OVOL2: variants seen among roughly 807,000 people sequenced by gnomAD.
OVOL2 encodes the protein transcription factor Ovo-like 2.
OVOL2 carries 13 observed loss-of-function variants against 18.1 expected under a neutral mutation model. The ratio of observed to expected loss-of-function variants is 0.72; its 90% CI spans 0.47 to 1.14. The LOEUF (loss-of-function observed/expected upper bound fraction) is 1.14, where lower values mean the gene tolerates loss of function less well. Among genes scored for constraint, OVOL2 ranks in the 50% most tolerant of loss-of-function variants. The probability of loss-of-function intolerance (pLI) is 0.00; values close to 1 mark genes in which losing one functional copy is unlikely to be tolerated. For missense variants in OVOL2, 335 were observed against 383.0 expected, an observed-to-expected ratio of 0.87 and a Z score of 1.05; for synonymous variants, 166 against 162.7, an observed-to-expected ratio of 1.02 and a Z score of -0.16.
chr20:18,043,740 T>C (rs980716780), intron 2 of OVOL2, among the ~76,000 whole-genome samples: 1 of 152,206 alleles, frequency 6.6e-6, no homozygotes, highest in Non-Finnish European at 1.5e-5. Context: ...GGGTCTGGAC[T>C]CCCTGCCCAG....
intron 3 of OVOL2, among the ~76,000 whole-genome samples, chr20:18,032,499 TTTATTA>T (rs111565839): frequency 2.0e-5 from 3 of 150,996 alleles, no homozygotes; most frequent in Non-Finnish European, 4.4e-5. Flanking sequence ...CATGATTTCT[TTTATTA>T]TTATTATTAT....
Position 18,057,509 on chromosome 20 carries a change from C to T in OVOL2, c.100+26G>A. The T allele has an allele frequency of 6.4e-7, 1 of 1,552,726 alleles. No individual in the cohort carries two copies. On this transcript the variant is annotated intron_variant, in intron 1 of 3. Transcript: ENST00000278780. The surrounding 1 kb of genome is among the most constrained non-coding windows in gnomAD (Gnocchi z 6.3). ...TCCCCCACCCCGGGAGCCCAGCGCC[C>T]AGGCCCGGCCCCCGCGCGCGCTCAC...
intron 3 of OVOL2, among the ~76,000 whole-genome samples, chr20:18,026,023 A>G (rs1200390998): frequency 6.6e-6 from 1 of 152,254 alleles, no homozygotes; most frequent in Non-Finnish European, 1.5e-5. Flanking sequence ...CATTTGTGGC[A>G]GTTATGAAAA....
intron 3 of OVOL2, among the ~76,000 whole-genome samples, chr20:18,034,877 CG>C (rs977997206): frequency 3.3e-5 from 5 of 151,980 alleles, no homozygotes; most frequent in African/African-American, 1.2e-4. Context: ...ATGGGGGAGT[CG>C]GGGGTGGTGC....
At chr20:18,041,825 G>T in intron 2 of OVOL2, 102 bp from the exon 3 acceptor site, 1 of 1,067,440 alleles carries the variant, frequency 9.4e-7, no homozygotes, top group Non-Finnish European at 1.3e-6. Context: ...TGCCCTGTCT[G>T]CGGCTTCTGC....
intron 2 of OVOL2, among the ~76,000 whole-genome samples, chr20:18,050,169 G>A (rs2036760050): frequency 6.6e-6 from 1 of 152,162 alleles, no homozygotes; most frequent in Non-Finnish European, 1.5e-5. Flanking sequence ...CTGCACCGCC[G>A]AAGCTAGAGA....
At chr20:18,044,544 G>T (rs1180221121) in intron 2 of OVOL2, among the ~76,000 whole-genome samples, 1 of 152,120 alleles carries the variant, frequency 6.6e-6, no homozygotes, top group Non-Finnish European at 1.5e-5. Context: ...CCTTTGCTTG[G>T]AGCTTAATTT....
intron 3 of OVOL2, among the ~76,000 whole-genome samples, chr20:18,034,316 C>T (rs982817686): frequency 6.6e-6 from 1 of 152,142 alleles, no homozygotes; most frequent in African/African-American, 2.4e-5. Flanking sequence ...AAGTCCCTGC[C>T]CCCACCTTGC....
chr20:18,036,787 T>G (rs1482746415), intron 3 of OVOL2, among the ~76,000 whole-genome samples: 1 of 152,086 alleles, frequency 6.6e-6, no homozygotes, highest in Non-Finnish European at 1.5e-5. Context: ...TTTGTGCTAC[T>G]AATAGGTCTG....
chr20:18,043,471 A>G (rs2036694515), intron 2 of OVOL2, among the ~76,000 whole-genome samples: 1 of 152,170 alleles, frequency 6.6e-6, no homozygotes, highest in South Asian at 2.1e-4. Context: ...AGCCATGTGG[A>G]CAGCCAAAGG....
intron 3 of OVOL2, among the ~76,000 whole-genome samples, chr20:18,038,630 T>C (rs4814685): frequency 0.28 from 42,020 of 152,040 alleles, 7,057 homozygotes; most frequent in African/African-American, 0.46. Flanking sequence ...TACCAACAGC[T>C]AGCCATGCTT....
At chr20:18,031,017 C>T (rs936565455) in intron 3 of OVOL2, among the ~76,000 whole-genome samples, 1 of 152,184 alleles carries the variant, frequency 6.6e-6, no homozygotes, top group South Asian at 2.1e-4. Context: ...GATGCCAAGG[C>T]CCCTCCCACC....
chr20:18,028,700 C>T (rs73266192), intron 3 of OVOL2, among the ~76,000 whole-genome samples: 9,510 of 151,866 alleles, frequency 0.063, 968 homozygotes, highest in African/African-American at 0.22. Flanking sequence ...GAATGAGGCA[C>T]GAAAATTGCT....
chr20:18,056,787 TC>T lies in OVOL2; in HGVS notation c.190del (p.Glu64SerfsTer71), dbSNP rs1334919329. ...CGAGCTGCTCTCTGCTCCTCCAGGCTCCCCCGCGCTGCTGCTGCCGCTGCCG... is the reference window on the plus strand; with the variant it reads ...CGAGCTGCTCTCTGCTCCTCCAGGCTCCCCGCGCTGCTGCTGCCGCTGCCG... ...SSGSGSSSAG[E>X]PGGAESSSSP... is the part of the protein sequence containing the mutation. On this transcript the variant is annotated frameshift_variant, in exon 2 of 4. Transcript: ENST00000278780. LOFTEE classifies it high-confidence loss of function. This position sits in a 1 kb window ranked among gnomAD's most constrained non-coding sequence, Gnocchi z 4.2. The T allele has an allele frequency of 1.3e-6, 2 of 1,499,356 alleles. No individual in the cohort carries two copies. Among genetic ancestry groups the T allele is most frequent in the Admixed American group, 2.2e-5 (1 of 46,000 alleles). 92.9% of individuals were successfully genotyped at this position (1,499,356 alleles called of 1,614,324 possible).
intron 3 of OVOL2, among the ~76,000 whole-genome samples, chr20:18,025,929 C>A (rs1218073851): frequency 6.6e-6 from 1 of 152,264 alleles, no homozygotes; most frequent in Non-Finnish European, 1.5e-5. Context: ...ACCCCTCAGG[C>A]AGAGGTGCAG....
At chr20:18,038,108 C>A (rs997553143) in intron 3 of OVOL2, among the ~76,000 whole-genome samples, 1 of 152,200 alleles carries the variant, frequency 6.6e-6, no homozygotes, top group African/African-American at 2.4e-5. Flanking sequence ...GCATGTGCCA[C>A]TTTTTCTTCT....
intron 2 of OVOL2, among the ~76,000 whole-genome samples, chr20:18,053,965 C>A (rs1393155664): frequency 6.6e-6 from 1 of 152,168 alleles, no homozygotes; most frequent in Non-Finnish European, 1.5e-5. Context: ...CAGGCCCACC[C>A]GCCTCCCTTC....
intron 2 of OVOL2, among the ~76,000 whole-genome samples, chr20:18,045,225 C>T (rs2082411363): frequency 6.6e-6 from 1 of 152,186 alleles, no homozygotes; most frequent in Non-Finnish European, 1.5e-5. Context: ...TAAATATGCT[C>T]CACTAAGTAC....
rs1478895647 is a variant in OVOL2, at chr20:18,057,586, G to A, written c.49C>T (p.Arg17Cys). The change falls in exon 1 of 4, where the codon CGC (arginine) becomes TGC (cysteine). Residue 17 changes from arginine to cysteine, a missense_variant. Coordinates refer to ENST00000278780, the MANE Select transcript of OVOL2 (RefSeq NM_021220.4). The surrounding 1 kb of genome is among the most constrained non-coding windows in gnomAD (Gnocchi z 6.3). ...TCATCCGGGAGCTCATCCCAGCTGC[G>A]GACCGAGACCCCCAGGCTCCTCCTC... Reference protein sequence around the residue: ...VKRRSLGVSVRSWDELPDEKR... With the variant: ...VKRRSLGVSVCSWDELPDEKR... 6.3e-7 allele frequency: 1 copy of A among 1,598,022 alleles called. No homozygotes were observed. The highest frequency in any genetic ancestry group is 1.7e-5 in the Admixed American group (1 of 58,442).
Sources: gnomAD v4.1 joint callset for allele counts (sites outside exome capture counted in the v4.1 genomes callset) on GRCh38, gnomAD v4.1.1 for gene constraint, Gnocchi (gnomAD v3.1) non-coding constraint, MANE v1.5 for transcripts, NCBI Gene and HGNC (gene_info 2026-07-23, HGNC 2026-07-21) for gene names.